Variants in LRP1B observed in about 807,000 individuals in gnomAD.
LRP1B encodes low-density lipoprotein receptor-related protein 1B.
Under a neutral mutation model 556.6 loss-of-function variants are expected in LRP1B, and 217 were observed. The ratio of observed to expected loss-of-function variants is 0.39; its 90% CI spans 0.35 to 0.44. The LOEUF (loss-of-function observed/expected upper bound fraction) is 0.44. Among genes scored for constraint, LRP1B ranks in the 20% least tolerant of loss-of-function variants. The pLI is 1.00. For missense variants in LRP1B, 5,053 were observed against 5,620.8 expected, an observed-to-expected ratio of 0.90 and a Z score of 3.23; for synonymous variants, 2,047 against 1,865.8, an observed-to-expected ratio of 1.10 and a Z score of -2.50.
chr2:141,452,375 T>G (rs1406900206), intron 3 of LRP1B, among the ~76,000 whole-genome samples: 1 of 152,176 alleles, frequency 6.6e-6, no homozygotes, highest in Non-Finnish European at 1.5e-5. Flanking sequence ...AGACTTTTTT[T>G]TGATGATGGA....
At chr2:141,675,598 T>TA (rs1690845277) in intron 2 of LRP1B, among the ~76,000 whole-genome samples, 1 of 151,702 alleles carries the variant, frequency 6.6e-6, no homozygotes, top group African/African-American at 2.4e-5. Context: ...TTAAATGAGT[T>TA]AATACATGTA....
At chr2:140,399,887 A>G (rs1010296903) in intron 66 of LRP1B, among the ~76,000 whole-genome samples, 1 of 152,168 alleles carries the variant, frequency 6.6e-6, no homozygotes, top group Admixed American at 6.5e-5. Flanking sequence ...GCCCTAACAC[A>G]CTTAGACAGT....
At chr2:140,715,703 C>A (rs1456992184) in intron 37 of LRP1B, among the ~76,000 whole-genome samples, 1 of 151,952 alleles carries the variant, frequency 6.6e-6, no homozygotes, top group African/African-American at 2.4e-5. Flanking sequence ...GTAAACAATT[C>A]TAAGGAAGAG....
chr2:141,127,373 G>C (rs2105016208), intron 7 of LRP1B, among the ~76,000 whole-genome samples: 1 of 152,174 alleles, frequency 6.6e-6, no homozygotes, highest in East Asian at 1.9e-4. Flanking sequence ...ATTTGACCCA[G>C]CAATCTCATT....
At chr2:141,741,513 T>C (rs983333367) in intron 2 of LRP1B, among the ~76,000 whole-genome samples, 8 of 152,090 alleles carry the variant, frequency 5.3e-5, no homozygotes, top group African/African-American at 1.9e-4. Flanking sequence ...AGATATCTTA[T>C]TGTAGTTTTG....
intron 23 of LRP1B, chr2:140,898,796 C>T: frequency 1.8e-6 from 1 of 542,190 alleles, no homozygotes; most frequent in African/African-American, 1.9e-5. Context: ...CGCTATCACC[C>T]AACTTTGTAG....
At chr2:141,949,912 A>T (rs1271311203) in intron 1 of LRP1B, among the ~76,000 whole-genome samples, 1 of 152,218 alleles carries the variant, frequency 6.6e-6, no homozygotes, top group Non-Finnish European at 1.5e-5. Flanking sequence ...AAGACAAATT[A>T]TCCTTCCTAT....
intron 3 of LRP1B, among the ~76,000 whole-genome samples, chr2:141,391,657 T>G (rs1690054208): frequency 6.6e-6 from 1 of 152,216 alleles, no homozygotes; most frequent in East Asian, 1.9e-4. Context: ...AAAAGATGAC[T>G]GTCTACAGCA....
chr2:140,990,526 A>G (rs1697060594), intron 16 of LRP1B, among the ~76,000 whole-genome samples: 1 of 151,548 alleles, frequency 6.6e-6, no homozygotes, highest in Non-Finnish European at 1.5e-5. Context: ...CTTGTGACCT[A>G]GAGTTGATGT....
At chr2:140,791,816 A>G (rs1401938941) in intron 32 of LRP1B, among the ~76,000 whole-genome samples, 3 of 45,068 alleles carry the variant, frequency 6.7e-5, no homozygotes, top group African/African-American at 1.7e-4. Flanking sequence ...GAAGGGAATC[A>G]GGATATCCTC....
At chr2:140,442,301 A>G (rs1686463382) in intron 66 of LRP1B, among the ~76,000 whole-genome samples, 1 of 152,196 alleles carries the variant, frequency 6.6e-6, no homozygotes, top group African/African-American at 2.4e-5. Context: ...TATATTAAGG[A>G]ATACTTACTC....
chr2:141,461,010 T>G (rs983422689), intron 3 of LRP1B, among the ~76,000 whole-genome samples: 1 of 150,918 alleles, frequency 6.6e-6, no homozygotes, highest in African/African-American at 2.5e-5. Flanking sequence ...CAACTCTCTT[T>G]GCAGTTAAAG....
chr2:141,686,975 G>A (rs1691335109), intron 2 of LRP1B, among the ~76,000 whole-genome samples: 1 of 151,866 alleles, frequency 6.6e-6, no homozygotes, highest in African/African-American at 2.4e-5. Flanking sequence ...CTGAACATGG[G>A]ACTTCTCAGC....
intron 2 of LRP1B, among the ~76,000 whole-genome samples, chr2:141,749,157 T>C (rs910005564): frequency 2.6e-5 from 4 of 152,214 alleles, no homozygotes; most frequent in African/African-American, 9.6e-5. Context: ...ATTATATTTT[T>C]ATTCCCTCAT....
chr2:140,964,300 G>A (rs937113492), intron 18 of LRP1B, among the ~76,000 whole-genome samples: 12 of 152,164 alleles, frequency 7.9e-5, no homozygotes, highest in Non-Finnish European at 1.8e-4. Context: ...CTGAAGCACA[G>A]CATCACAGGG....
intron 43 of LRP1B, among the ~76,000 whole-genome samples, chr2:140,567,897 G>A (rs1423772670): frequency 6.6e-6 from 1 of 152,100 alleles, no homozygotes; most frequent in African/African-American, 2.4e-5. Flanking sequence ...GTTTCACAGA[G>A]ACTGTATCAC....
chr2:141,651,619 C>G (rs1574196582), intron 2 of LRP1B, among the ~76,000 whole-genome samples: 2 of 152,192 alleles, frequency 1.3e-5, no homozygotes, highest in South Asian at 2.1e-4. Context: ...GAGCAGAGAT[C>G]GTGCCATTGC....
At chr2:140,476,604 C>T (rs1481267616) in intron 59 of LRP1B, among the ~76,000 whole-genome samples, 1 of 151,906 alleles carries the variant, frequency 6.6e-6, no homozygotes, top group Non-Finnish European at 1.5e-5. Context: ...AAAGAACACA[C>T]ACCATATTGT....
chr2:141,073,642 A>G (rs1181864497), intron 7 of LRP1B, among the ~76,000 whole-genome samples: 3 of 152,126 alleles, frequency 2.0e-5, no homozygotes, highest in Non-Finnish European at 4.4e-5. Flanking sequence ...TGGATATCTC[A>G]TATATAACAT....
Sources: allele counts gnomAD v4.1 joint callset (sites outside exome capture counted in the v4.1 genomes callset), GRCh38; gene constraint gnomAD v4.1.1; transcripts MANE v1.5; gene names NCBI Gene and HGNC (gene_info 2026-07-23, HGNC 2026-07-21).